The following NRXN1 variants were observed in gnomAD, a reference collection of about 807,000 sequenced individuals.
The protein encoded by NRXN1 is neurexin-1.
Under a neutral mutation model 150.9 loss-of-function variants are expected in NRXN1, and 39 were observed. The observed-to-expected ratio is 0.26, with a 90% confidence interval of 0.20 to 0.34. NRXN1 has a LOEUF of 0.34. NRXN1 is among the 10% of genes least tolerant of loss of function. The pLI is 1.00. For synonymous variants in NRXN1, 924 were observed against 757.0 expected (o/e 1.22, Z -3.62); for missense variants, 1,815 against 1,949.9 (o/e 0.93, Z 1.30).
intron 18 of NRXN1, among the ~76,000 whole-genome samples, chr2:50,190,467 ATTT>A (rs1047192189): frequency 6.6e-6 from 1 of 152,154 alleles, no homozygotes. Context: ...TAAAAAAGTT[ATTT>A]AGTTTCTAGT....
intron 21 of NRXN1, among the ~76,000 whole-genome samples, chr2:49,982,369 T>C (rs1439720092): frequency 6.6e-6 from 1 of 152,106 alleles, no homozygotes; most frequent in Non-Finnish European, 1.5e-5. Flanking sequence ...ATAAACTTCT[T>C]TATCTTTTCA....
chr2:49,989,667 G>A (rs1681580480), intron 21 of NRXN1, among the ~76,000 whole-genome samples: 1 of 152,158 alleles, frequency 6.6e-6, no homozygotes, highest in South Asian at 2.1e-4. Context: ...AAGAAAACAG[G>A]ACTTTGTTCT....
At chr2:49,979,014 G>A (rs1053074702) in intron 21 of NRXN1, among the ~76,000 whole-genome samples, 1 of 152,128 alleles carries the variant, frequency 6.6e-6, no homozygotes, top group Admixed American at 6.6e-5. Flanking sequence ...CTTAGGGGAA[G>A]GAGGTCGGGT....
chr2:50,833,604 A>G (rs1257126598), intron 5 of NRXN1, among the ~76,000 whole-genome samples: 1 of 152,192 alleles, frequency 6.6e-6, no homozygotes, highest in East Asian at 1.9e-4. Flanking sequence ...ACAAAACTAT[A>G]GTTACAGAGA....
chr2:50,716,682 G>T (rs148421761), intron 5 of NRXN1, among the ~76,000 whole-genome samples: 185 of 152,214 alleles, frequency 1.2e-3, no homozygotes, highest in African/African-American at 4.2e-3. Flanking sequence ...TAATGGAAAA[G>T]AAATGGTTTA....
In NRXN1 at chr2:49,946,813, A is replaced by G. The variant is rs192175084; in HGVS notation, c.4129-3022T>C. On this transcript the variant is annotated intron_variant, in intron 21 of 22. Coordinates refer to ENST00000401669, the MANE Select transcript of NRXN1 (RefSeq NM_001330078.2). ...GCATCATGCTACCTGACTTAAAACTATGCTACAAGGCTACAGTAACCAAAA... is the reference window on the plus strand; with the variant it reads ...GCATCATGCTACCTGACTTAAAACTGTGCTACAAGGCTACAGTAACCAAAA... Among the ~76,000 whole-genome samples the G allele has an allele frequency of 1.4e-4, 22 of 152,330 alleles. No homozygotes were observed. In the South Asian group the frequency reaches 3.7e-3, roughly 26 times the overall value.
chr2:50,878,045 C>T (rs926285075), intron 5 of NRXN1, among the ~76,000 whole-genome samples: 1 of 151,888 alleles, frequency 6.6e-6, no homozygotes, highest in Non-Finnish European at 1.5e-5. Context: ...CCTGCTTGCT[C>T]CTCTGGATTC....
chr2:50,040,327 T>A, intron 21 of NRXN1, among the ~76,000 whole-genome samples: 1 of 150,980 alleles, frequency 6.6e-6, no homozygotes, highest in South Asian at 2.1e-4. Context: ...AATTTATATA[T>A]AATTTACATA....
intron 17 of NRXN1, among the ~76,000 whole-genome samples, chr2:50,335,680 G>C (rs370828573): frequency 6.6e-6 from 1 of 152,156 alleles, no homozygotes; most frequent in Non-Finnish European, 1.5e-5. Flanking sequence ...ATGGACAAAG[G>C]GGATACAAAT....
chr2:50,970,303 A>C (rs1410794497), intron 2 of NRXN1, among the ~76,000 whole-genome samples: 1 of 152,084 alleles, frequency 6.6e-6, no homozygotes, highest in Non-Finnish European at 1.5e-5. Context: ...AGGAGGTCAG[A>C]GAAAAACTTT....
chr2:50,276,536 ATACT>A (rs988818580), intron 17 of NRXN1, among the ~76,000 whole-genome samples: 1 of 152,216 alleles, frequency 6.6e-6, no homozygotes, highest in Non-Finnish European at 1.5e-5. Flanking sequence ...TGCAATGGGA[ATACT>A]TACCCTTGGA....
At chr2:50,823,535 A>G (rs540069004) in intron 5 of NRXN1, among the ~76,000 whole-genome samples, 57 of 152,322 alleles carry the variant, frequency 3.7e-4, no homozygotes, top group African/African-American at 1.3e-3. Flanking sequence ...CCTGATTCCC[A>G]TAGCACTGCT....
At chr2:50,185,681 G>T (rs1288139383) in intron 18 of NRXN1, 1 of 152,092 alleles carries the variant, frequency 6.6e-6, no homozygotes, top group East Asian at 1.9e-4. Flanking sequence ...AATATGGGAG[G>T]AGTCTGCATC....
intron 8 of NRXN1, among the ~76,000 whole-genome samples, chr2:50,614,008 T>C (rs780507086): frequency 1.3e-5 from 2 of 152,110 alleles, no homozygotes; most frequent in Non-Finnish European, 2.9e-5. Flanking sequence ...TGTGGATCTG[T>C]ATGGAAAATG....
intron 18 of NRXN1, among the ~76,000 whole-genome samples, chr2:50,135,659 C>G (rs970403460): frequency 1.3e-5 from 2 of 151,940 alleles, no homozygotes; most frequent in African/African-American, 4.8e-5. Context: ...CCATTGCACT[C>G]CAGCCTGGGC....
At chr2:49,945,210 T>C (rs1472635068) in intron 21 of NRXN1, 1 of 152,148 alleles carries the variant, frequency 6.6e-6, no homozygotes, top group Non-Finnish European at 1.5e-5. Flanking sequence ...GCTGCTGCTA[T>C]TTTAGAAAGG....
At chr2:50,302,848 T>C (rs1199532161) in intron 17 of NRXN1, among the ~76,000 whole-genome samples, 4 of 152,160 alleles carry the variant, frequency 2.6e-5, no homozygotes, top group African/African-American at 9.7e-5. Flanking sequence ...CAGTTCCGAA[T>C]TTGTTGGATA....
chr2:50,011,671 A>C (rs1159563486), intron 21 of NRXN1, among the ~76,000 whole-genome samples: 1 of 152,074 alleles, frequency 6.6e-6, no homozygotes, highest in Non-Finnish European at 1.5e-5. Flanking sequence ...GAAAACATTG[A>C]GATCTCTAGG....
At chr2:50,822,608 T>C (rs1319388014) in intron 5 of NRXN1, among the ~76,000 whole-genome samples, 2 of 152,094 alleles carry the variant, frequency 1.3e-5, no homozygotes, top group African/African-American at 4.8e-5. Context: ...CACACTCCTA[T>C]TTTATCAAAA....
Sources: allele counts gnomAD v4.1 joint callset (sites outside exome capture counted in the v4.1 genomes callset), GRCh38; gene constraint gnomAD v4.1.1; transcripts MANE v1.5; gene names NCBI Gene and HGNC (gene_info 2026-07-23, HGNC 2026-07-21).